STK3: variants seen among roughly 807,000 people sequenced by gnomAD.
The protein encoded by STK3 is serine/threonine kinase 3.
In STK3, 41 loss-of-function variants were observed where a neutral mutation model predicts 58.0. That is an observed-to-expected ratio of 0.71 (90% CI 0.55 to 0.92). STK3 has a LOEUF of 0.92. Ranked by LOEUF, STK3 falls within the 40% of genes least tolerant of loss-of-function variation. The pLI is 0.00. For missense variants in STK3, 479 were observed against 602.7 expected (o/e 0.79, Z 2.15); for synonymous variants, 170 against 191.0 (o/e 0.89, Z 0.91).
intron 3 of STK3, among the ~76,000 whole-genome samples, chr8:98,402,713 A>T (rs537800848): frequency 6.6e-6 from 1 of 152,314 alleles, no homozygotes; most frequent in East Asian, 1.9e-4. Flanking sequence ...GGCGAGGAGG[A>T]CATGCCTTGG....
intron 10 of STK3, among the ~76,000 whole-genome samples, chr8:98,484,918 A>T (rs972264779): frequency 2.0e-5 from 3 of 152,330 alleles, no homozygotes; most frequent in Admixed American, 2.0e-4. Context: ...TCTTGAAAAA[A>T]GTAAACTTCA....
At chr8:98,587,479 C>T (rs1168974183) in intron 7 of STK3, among the ~76,000 whole-genome samples, 3 of 152,020 alleles carry the variant, frequency 2.0e-5, no homozygotes, top group African/African-American at 7.3e-5. Flanking sequence ...GTTATAATTT[C>T]TGTTCTTTTA....
At chr8:98,790,808 C>A (rs1832757029) in intron 1 of STK3, among the ~76,000 whole-genome samples, 1 of 152,096 alleles carries the variant, frequency 6.6e-6, no homozygotes, top group African/African-American at 2.4e-5. Context: ...CATAGTGAAA[C>A]CCCGTCTCTA....
At chr8:98,650,804 C>T (rs1820844535) in intron 6 of STK3, among the ~76,000 whole-genome samples, 1 of 152,212 alleles carries the variant, frequency 6.6e-6, no homozygotes, top group Admixed American at 6.5e-5. Context: ...CCTGCCATTG[C>T]CCAGGCTTGC....
intron 6 of STK3, among the ~76,000 whole-genome samples, chr8:98,605,146 T>A (rs539217002): frequency 6.6e-6 from 1 of 152,338 alleles, no homozygotes; most frequent in East Asian, 1.9e-4. Flanking sequence ...TGTCTTCTTA[T>A]GAGCCCTCCA....
chr8:98,712,228 C>G (rs4440607), intron 4 of STK3, among the ~76,000 whole-genome samples: 14 of 152,048 alleles, frequency 9.2e-5, no homozygotes, highest in Middle Eastern at 3.4e-3. Context: ...TATCAACTAA[C>G]GAGCAAAATA....
chr8:98,853,482 C>A (rs1245534288), intron 3 of STK3, among the ~76,000 whole-genome samples: 1 of 152,212 alleles, frequency 6.6e-6, no homozygotes, highest in African/African-American at 2.4e-5. Context: ...GCTTTGCACA[C>A]CTCCTCGTTC....
chr8:98,781,323 G>A (rs1031602843), intron 1 of STK3, among the ~76,000 whole-genome samples: 16 of 152,200 alleles, frequency 1.1e-4, no homozygotes, highest in Non-Finnish European at 7.3e-5. Context: ...ACAGAGTATC[G>A]GGAGAAGGGA....
intron 7 of STK3, among the ~76,000 whole-genome samples, chr8:98,590,832 C>T (rs1285616582): frequency 2.6e-5 from 4 of 152,220 alleles, no homozygotes; most frequent in African/African-American, 4.8e-5. Context: ...AAATTAACCA[C>T]TTATGTTAGT....
chr8:98,613,773 T>C (rs1324026371), intron 6 of STK3, among the ~76,000 whole-genome samples: 2 of 152,090 alleles, frequency 1.3e-5, no homozygotes, highest in African/African-American at 4.8e-5. Context: ...GATTTTAAAA[T>C]GCAACTCAAT....
chr8:98,357,419 A>G, the STK3 span, among the ~76,000 whole-genome samples: 1 of 152,138 alleles, frequency 6.6e-6, no homozygotes, highest in Non-Finnish European at 1.5e-5. Context: ...CTCTAATGGG[A>G]GTCTCATTTT....
intron 1 of STK3, among the ~76,000 whole-genome samples, chr8:98,788,634 T>C (rs1455571660): frequency 1.3e-5 from 2 of 152,016 alleles, no homozygotes; most frequent in Middle Eastern, 3.2e-3. Context: ...GCTATTCTTA[T>C]ACCAGACAAA....
chr8:98,598,274 A>G, intron 6 of STK3: 1 of 985,376 alleles, frequency 1.0e-6, no homozygotes, highest in Non-Finnish European at 1.2e-6. Context: ...TATAAGGCTC[A>G]CCTTAGCAGT....
intron 6 of STK3, among the ~76,000 whole-genome samples, chr8:98,696,789 G>A (rs1342597528): frequency 6.6e-6 from 1 of 152,002 alleles, no homozygotes; most frequent in Non-Finnish European, 1.5e-5. Flanking sequence ...TTGCATCAAT[G>A]TTCATCAAGG....
At chr8:98,679,402 A>G (rs981457589) in intron 6 of STK3, among the ~76,000 whole-genome samples, 78 of 152,252 alleles carry the variant, frequency 5.1e-4, no homozygotes, top group African/African-American at 1.7e-3. Context: ...CATCTTCTCA[A>G]TGAGGCCTTC....
chr8:98,855,416 G>A (rs1836631388), intron 3 of STK3, among the ~76,000 whole-genome samples: 1 of 152,156 alleles, frequency 6.6e-6, no homozygotes, highest in Non-Finnish European at 1.5e-5. Flanking sequence ...AATGGGGAAA[G>A]AATGTCTTTT....
At chr8:98,745,603 A>C (rs888315947) in intron 4 of STK3, among the ~76,000 whole-genome samples, 5 of 152,214 alleles carry the variant, frequency 3.3e-5, no homozygotes, top group Non-Finnish European at 1.5e-5. Flanking sequence ...CCTAGCAATA[A>C]GGGCTGCTTT....
intron 4 of STK3, among the ~76,000 whole-genome samples, chr8:98,716,402 A>T (rs907667323): frequency 6.6e-6 from 1 of 152,128 alleles, no homozygotes; most frequent in Admixed American, 6.6e-5. Flanking sequence ...CTACAAAAAA[A>T]ATTCTATTTA....
chr8:98,712,698 C>A (rs1032582436), intron 4 of STK3, among the ~76,000 whole-genome samples: 3 of 152,008 alleles, frequency 2.0e-5, no homozygotes, highest in South Asian at 2.1e-4. Flanking sequence ...GACTTTAACA[C>A]CCCACTGTCA....
Sources: gnomAD v4.1 joint callset for allele counts (sites outside exome capture counted in the v4.1 genomes callset) on GRCh38, gnomAD v4.1.1 for gene constraint, MANE v1.5 for transcripts, NCBI Gene and HGNC (gene_info 2026-07-23, HGNC 2026-07-21) for gene names.